CLSTN1: variants seen among roughly 807,000 people sequenced by gnomAD.
CLSTN1 encodes the protein calsyntenin 1.
Under a neutral mutation model 108.3 loss-of-function variants are expected in CLSTN1, and 28 were observed. The ratio of observed to expected loss-of-function variants is 0.26; its 90% CI spans 0.19 to 0.35. The LOEUF is 0.35. Among genes scored for constraint, CLSTN1 ranks in the 10% least tolerant of loss-of-function variants. The pLI, the probability that CLSTN1 is intolerant of heterozygous loss-of-function variation, is 1.00. For missense variants in CLSTN1, 1,157 were observed against 1,302.6 expected, an observed-to-expected ratio of 0.89 and a Z score of 1.72; for synonymous variants, 524 against 534.9, an observed-to-expected ratio of 0.98 and a Z score of 0.28.
In CLSTN1 at chr1:9,783,093, C is replaced by T. The variant is rs745560486; in HGVS notation, c.92-9699G>A. On this transcript the variant is annotated intron_variant, in intron 1 of 18. Coordinates refer to ENST00000377298, the MANE Select transcript of CLSTN1 (RefSeq NM_001009566.3). ...CAGCAGGTTGGTTGCAGAGCCCAGACGCCAACCACAGGTCCCAGGGTGGCC... is the reference window on the plus strand; with the variant it reads ...CAGCAGGTTGGTTGCAGAGCCCAGATGCCAACCACAGGTCCCAGGGTGGCC... Among the ~76,000 whole-genome samples, 57 of 152,326 alleles carry T rather than the reference C, an allele frequency of 3.7e-4. 1 individual carries two copies. The highest frequency in any genetic ancestry group is 7.1e-4 in the Non-Finnish European group (48 of 68,032).
chr1:9,773,488 T>TA lies in CLSTN1; in HGVS notation c.92-95dup. On this transcript the variant is annotated intron_variant, in intron 1 of 18. Coordinates refer to ENST00000377298, the MANE Select transcript of CLSTN1 (RefSeq NM_001009566.3). ...AGACACACACCTGCTATTAAAATAA[T>TA]AAAACTCTCATTAGGCTTGAAGACA... The TA allele has an allele frequency of 6.8e-6, 9 of 1,330,924 alleles. No homozygotes were observed. In the South Asian group the frequency reaches 1.4e-4, roughly 20 times the overall value. The allele number at this position is 1,330,924 out of a possible 1,614,324, so 82.4% of individuals were successfully genotyped here. A position where few individuals can be genotyped will look rare whatever the true frequency, so the allele number is the denominator to read the frequency against.
intron 13 of CLSTN1, 122 bp downstream of exon 13, chr1:9,735,345 A>G: frequency 6.9e-7 from 1 of 1,454,790 alleles, no homozygotes; most frequent in Non-Finnish European, 9.5e-7. Context: ...TCTCTGCCCC[A>G]CACTTTCTGG....
chr1:9,740,695 C>T (rs1407343834), intron 10 of CLSTN1, among the ~76,000 whole-genome samples: 2 of 152,206 alleles, frequency 1.3e-5, no homozygotes, highest in Non-Finnish European at 2.9e-5. Context: ...AAGAGTCCTC[C>T]AGGTCCAAGG....
At chr1:9,756,419 AT>A in intron 3 of CLSTN1, 61 bp downstream of exon 3, 1 of 1,430,156 alleles carries the variant, frequency 7.0e-7, no homozygotes, top group South Asian at 1.2e-5. Flanking sequence ...CTGATTCCCA[AT>A]TTTATAAACA....
At chr1:9,770,456 G>A (rs1166498285) in intron 2 of CLSTN1, among the ~76,000 whole-genome samples, 1 of 152,238 alleles carries the variant, frequency 6.6e-6, no homozygotes, top group Non-Finnish European at 1.5e-5. Flanking sequence ...ACTTCGTGCA[G>A]TTAAAGATGT....
chr1:9,778,791 G>T (rs1361334299), intron 1 of CLSTN1, among the ~76,000 whole-genome samples: 2 of 151,946 alleles, frequency 1.3e-5, no homozygotes, highest in African/African-American at 4.8e-5. Context: ...AAGGCGGGTG[G>T]ATCACCTGAG....
chr1:9,733,749 G>T (rs1650530901), intron 15 of CLSTN1, among the ~76,000 whole-genome samples: 1 of 152,154 alleles, frequency 6.6e-6, no homozygotes, highest in African/African-American at 2.4e-5. Context: ...GTCATCCCAC[G>T]CCTCAACCCT....
At position 9,739,818 on chromosome 1, in the gene CLSTN1, T is replaced by C. The variant is rs911453759; in HGVS notation, c.1519+1276A>G. Among the ~76,000 whole-genome samples, 535 of 148,610 alleles carry C rather than the reference T, an allele frequency of 3.6e-3. 9 individuals are homozygous for C. The East Asian group carries it at 0.04, about 11-fold the overall frequency. On this transcript the variant is annotated intron_variant, in intron 10 of 18. Transcript: ENST00000377298. Reference sequence around the variant, plus strand: ...CGGGCTGGAGTGCAATAGGGCATTTTTTTTTTTTTTTTTTTTGAGACGGAG... The same window carrying C: ...CGGGCTGGAGTGCAATAGGGCATTTCTTTTTTTTTTTTTTTTGAGACGGAG...
At position 9,823,550 on chromosome 1, in the gene CLSTN1, C is replaced by G; in HGVS notation, c.91+93G>C. The G allele has an allele frequency of 1.2e-6, 1 of 845,208 alleles. No individual in the cohort carries two copies. The highest frequency in any genetic ancestry group is 1.5e-6 in the Non-Finnish European group (1 of 669,188). 52.4% of individuals were successfully genotyped at this position (845,208 alleles called of 1,614,324 possible). A position where few individuals can be genotyped will look rare whatever the true frequency, so the allele number is the denominator to read the frequency against. The stretch of plus-strand genomic sequence containing the variant: ...CCCGGCATCCGGCCCTACTCCCGCA[C>G]CCGGACCCGAATCCCCGCACCGGGA... On this transcript the variant is annotated intron_variant, in intron 1 of 18. Transcript: ENST00000377298. The surrounding 1 kb of genome is among the most constrained non-coding windows in gnomAD (Gnocchi z 6.3).
chr1:9,770,266 A>T (rs1413577002), intron 2 of CLSTN1, among the ~76,000 whole-genome samples: 1 of 152,052 alleles, frequency 6.6e-6, no homozygotes, highest in African/African-American at 2.4e-5. Context: ...GTACATCAGT[A>T]AAAAAAACCT....
chr1:9,733,479 C>T lies in CLSTN1; in HGVS notation c.2349G>A (p.Arg783=). The change falls in exon 16 of 19, where the codon AGG becomes AGA. Residue 783 remains arginine (R), a synonymous_variant. Transcript: ENST00000377298. ...HLLRYRNWHA[R]SLLDRKFKLI... is the part of the protein sequence containing the mutation. Reference sequence around the variant, plus strand: ...GCTTAAACTTCCGGTCAAGCAAGGACCTGGCATGCCAGTTCCGATAGCGCA... The same window carrying T: ...GCTTAAACTTCCGGTCAAGCAAGGATCTGGCATGCCAGTTCCGATAGCGCA... 6.2e-7 allele frequency: 1 copy of T among 1,614,166 alleles called. No individual in the cohort carries two copies. The highest frequency in any genetic ancestry group is 8.5e-7 in the Non-Finnish European group (1 of 1,180,010).
At chr1:9,822,205 G>C (rs1231907683) in intron 1 of CLSTN1, among the ~76,000 whole-genome samples, 1 of 152,134 alleles carries the variant, frequency 6.6e-6, no homozygotes, top group East Asian at 1.9e-4. Flanking sequence ...ACCCACATCT[G>C]GAAAGAACAT....
At chr1:9,733,603 G>C (rs1017473137) in intron 15 of CLSTN1, 57 bp from the exon 16 acceptor site, 2 of 1,601,420 alleles carry the variant, frequency 1.2e-6, no homozygotes, top group South Asian at 1.1e-5. Context: ...AGCATGGGCA[G>C]GGCTGCAGCC....
intron 1 of CLSTN1, among the ~76,000 whole-genome samples, chr1:9,817,826 T>C (rs1158180022): frequency 6.6e-6 from 1 of 152,026 alleles, no homozygotes; most frequent in Admixed American, 6.6e-5. Flanking sequence ...AAAGAACCTA[T>C]CAAATCAGGG....
In CLSTN1 at chr1:9,806,242, T is replaced by G. The variant is rs954331205; in HGVS notation, c.91+17401A>C. ...GGCAGGGGGGGTGGAGGGGGGGAGG[T>G]TGCAGTGAGCTGAGATCACGCCACT... On this transcript the variant is annotated intron_variant, in intron 1 of 18. Coordinates refer to ENST00000377298, the MANE Select transcript of CLSTN1 (RefSeq NM_001009566.3). Among the ~76,000 whole-genome samples, 5 of 150,818 alleles carry G rather than the reference T, an allele frequency of 3.3e-5. No individual in the cohort carries two copies. In the South Asian group the frequency reaches 6.3e-4, roughly 19 times the overall value.
chr1:9,790,455 G>C (rs1466678834), intron 1 of CLSTN1, among the ~76,000 whole-genome samples: 1 of 150,700 alleles, frequency 6.6e-6, no homozygotes, highest in Non-Finnish European at 1.5e-5. Flanking sequence ...TGTTGAAACA[G>C]TCTTATGTAT....
At chr1:9,757,802 G>A (rs749985419) in intron 2 of CLSTN1, among the ~76,000 whole-genome samples, 4 of 152,136 alleles carry the variant, frequency 2.6e-5, no homozygotes, top group Non-Finnish European at 5.9e-5. Flanking sequence ...AATGTGAAGA[G>A]ATCAGGAATT....
At chr1:9,757,800 G>A (rs920462704) in intron 2 of CLSTN1, among the ~76,000 whole-genome samples, 1 of 152,134 alleles carries the variant, frequency 6.6e-6, no homozygotes, top group Non-Finnish European at 1.5e-5. Flanking sequence ...GAAATGTGAA[G>A]AGATCAGGAA....
intron 2 of CLSTN1, among the ~76,000 whole-genome samples, chr1:9,769,412 G>A (rs1327929677): frequency 6.6e-6 from 1 of 152,132 alleles, no homozygotes; most frequent in Non-Finnish European, 1.5e-5. Flanking sequence ...TGGATGAACA[G>A]AGAAACAAAA....
Sources: gnomAD v4.1 joint callset for allele counts (sites outside exome capture counted in the v4.1 genomes callset) on GRCh38, gnomAD v4.1.1 for gene constraint, Gnocchi (gnomAD v3.1) non-coding constraint, MANE v1.5 for transcripts, NCBI Gene and HGNC (gene_info 2026-07-23, HGNC 2026-07-21) for gene names.